Variants in FHIT observed in about 807,000 individuals in gnomAD.
The protein encoded by FHIT is fragile histidine triad diadenosine triphosphatase.
In FHIT, 19 loss-of-function variants were observed where a neutral mutation model predicts 17.9. The observed-to-expected ratio is 1.06, with a 90% CI of 0.74 to 1.56. The LOEUF is 1.56. FHIT is among the 40% of genes most tolerant of loss of function. The probability of loss-of-function intolerance (pLI) is 0.00; values close to 1 mark genes in which losing one functional copy is unlikely to be tolerated. For missense variants in FHIT, 248 were observed against 189.2 expected (o/e 1.31, Z -1.82); for synonymous variants, 81 against 69.7 (o/e 1.16, Z -0.81).
In FHIT at chr3:59,947,057, A is replaced by G. The variant is rs553688243; in HGVS notation, c.280-24643T>C. 1.4e-4 allele frequency among the ~76,000 whole-genome samples: 22 copies of G among 152,264 alleles called. No individual in the cohort carries two copies. The South Asian group carries it at 3.3e-3, about 23-fold the overall frequency. On this transcript the variant is annotated intron_variant, in intron 7 of 9. Transcript: ENST00000492590. ...GAGTTAGGGAGAAGGTCCTCCTCCT[A>G]CATTTTTCAGAATAGTTTCAGTGGG...
At chr3:60,058,309 T>C (rs963691623) in intron 5 of FHIT, among the ~76,000 whole-genome samples, 1 of 151,842 alleles carries the variant, frequency 6.6e-6, no homozygotes, top group Non-Finnish European at 1.5e-5. Context: ...TTTTGTATTT[T>C]TAGTAGAGAT....
At chr3:61,006,379 G>T (rs890232386) in intron 3 of FHIT, among the ~76,000 whole-genome samples, 1 of 152,014 alleles carries the variant, frequency 6.6e-6, no homozygotes, top group Non-Finnish European at 1.5e-5. Flanking sequence ...CATAAAAACA[G>T]CAACATCAAT....
At chr3:60,227,616 T>C (rs1704278449) in intron 5 of FHIT, among the ~76,000 whole-genome samples, 1 of 152,238 alleles carries the variant, frequency 6.6e-6, no homozygotes, top group Non-Finnish European at 1.5e-5. Flanking sequence ...TGATTTAATC[T>C]ATACCACATT....
intron 5 of FHIT, among the ~76,000 whole-genome samples, chr3:60,117,647 G>C (rs917576991): frequency 6.6e-6 from 1 of 151,984 alleles, no homozygotes; most frequent in Non-Finnish European, 1.5e-5. Context: ...TTGTAACAAA[G>C]CAAATGATGA....
At chr3:60,329,937 GAC>G (rs1232060093) in intron 5 of FHIT, among the ~76,000 whole-genome samples, 2 of 152,034 alleles carry the variant, frequency 1.3e-5, no homozygotes, top group Non-Finnish European at 2.9e-5. Flanking sequence ...GTAGAAAAAA[GAC>G]AAACAGGAAA....
chr3:60,185,896 C>A (rs1702138808), intron 5 of FHIT, among the ~76,000 whole-genome samples: 1 of 152,176 alleles, frequency 6.6e-6, no homozygotes, highest in South Asian at 2.1e-4. Flanking sequence ...AACTCTCTAC[C>A]AACATGTGAC....
At chr3:59,768,238 C>CCAT (rs2106817928) in intron 8 of FHIT, among the ~76,000 whole-genome samples, 1 of 152,320 alleles carries the variant, frequency 6.6e-6, no homozygotes. Context: ...AATTTCGACT[C>CCAT]CATCTCCTAA....
chr3:60,788,337 C>T (rs1000488459), intron 4 of FHIT, among the ~76,000 whole-genome samples: 2 of 152,022 alleles, frequency 1.3e-5, no homozygotes, highest in Admixed American at 6.6e-5. Context: ...AGGAACTCAA[C>T]CCTGGATTTC....
At chr3:60,358,804 T>G (rs1478313431) in intron 5 of FHIT, among the ~76,000 whole-genome samples, 1 of 152,206 alleles carries the variant, frequency 6.6e-6, no homozygotes, top group African/African-American at 2.4e-5. Flanking sequence ...TCACTAGTTG[T>G]AGGTCTTTGG....
chr3:60,961,739 C>T (rs572560312), intron 3 of FHIT, among the ~76,000 whole-genome samples: 115 of 152,156 alleles, frequency 7.6e-4, no homozygotes, highest in African/African-American at 2.6e-3. Flanking sequence ...AGATTGTTGT[C>T]GATGTGTGGT....
At chr3:59,755,282 A>ATGTT (rs1490093771) in intron 8 of FHIT, among the ~76,000 whole-genome samples, 1 of 152,182 alleles carries the variant, frequency 6.6e-6, no homozygotes, top group Non-Finnish European at 1.5e-5. Context: ...CAGCCTTTGA[A>ATGTT]TGTTTTTAAT....
intron 3 of FHIT, among the ~76,000 whole-genome samples, chr3:61,018,883 T>G (rs2107640764): frequency 6.6e-6 from 1 of 152,318 alleles, no homozygotes; most frequent in South Asian, 2.1e-4. Flanking sequence ...CATTCTACTT[T>G]AATGTGTCTA....
intron 5 of FHIT, among the ~76,000 whole-genome samples, chr3:60,346,673 C>G (rs1261379626): frequency 2.0e-5 from 3 of 152,150 alleles, no homozygotes; most frequent in Admixed American, 6.5e-5. Context: ...GGTGGTGTGA[C>G]AAGAACCCAG....
intron 2 of FHIT, among the ~76,000 whole-genome samples, chr3:61,197,131 CA>C (rs2038875043): frequency 6.6e-6 from 1 of 152,160 alleles, no homozygotes; most frequent in African/African-American, 2.4e-5. Context: ...ACAAGCCCCT[CA>C]AATTTTCATC....
intron 5 of FHIT, among the ~76,000 whole-genome samples, chr3:60,218,465 G>A (rs530584836): frequency 6.6e-6 from 1 of 152,080 alleles, no homozygotes; most frequent in African/African-American, 2.4e-5. Context: ...GACAAACATA[G>A]TTTACAGCTT....
intron 8 of FHIT, among the ~76,000 whole-genome samples, chr3:59,914,690 G>T (rs1406590613): frequency 6.6e-6 from 1 of 152,064 alleles, no homozygotes; most frequent in Non-Finnish European, 1.5e-5. Context: ...TTAAATGTTT[G>T]GGGGCTTTTC....
chr3:60,430,462 C>A (rs1702842529), intron 5 of FHIT, among the ~76,000 whole-genome samples: 1 of 152,072 alleles, frequency 6.6e-6, no homozygotes, highest in African/African-American at 2.4e-5. Flanking sequence ...GATTCTTACA[C>A]AGCCTATCCC....
intron 5 of FHIT, among the ~76,000 whole-genome samples, chr3:60,121,744 AC>A (rs1481776420): frequency 6.9e-6 from 1 of 145,342 alleles, no homozygotes; most frequent in Non-Finnish European, 1.5e-5. Flanking sequence ...ACACACACAC[AC>A]ATTAGCCCTG....
intron 3 of FHIT, among the ~76,000 whole-genome samples, chr3:60,841,919 G>C (rs537728603): frequency 2.9e-4 from 44 of 152,236 alleles, no homozygotes; most frequent in Admixed American, 8.5e-4. Flanking sequence ...GAAATTAATA[G>C]GCAGGCTGTA....
Sources: allele counts gnomAD v4.1 joint callset (sites outside exome capture counted in the v4.1 genomes callset), GRCh38; gene constraint gnomAD v4.1.1; transcripts MANE v1.5; gene names NCBI Gene and HGNC (gene_info 2026-07-23, HGNC 2026-07-21).